Variants in SULF1 observed in about 807,000 individuals in gnomAD.
SULF1 encodes the protein extracellular sulfatase Sulf-1.
Under a neutral mutation model 110.5 loss-of-function variants are expected in SULF1, and 46 were observed. That is an observed-to-expected ratio of 0.42 (90% CI 0.33 to 0.53). The LOEUF (loss-of-function observed/expected upper bound fraction) is 0.53. Among genes scored for constraint, SULF1 ranks in the 20% least tolerant of loss-of-function variants. The pLI is 0.12. For missense variants in SULF1, 941 were observed against 1,094.2 expected (o/e 0.86, Z 1.98); for synonymous variants, 371 against 387.1 (o/e 0.96, Z 0.49).
chr8:69,567,808 A>G (rs1201753195), intron 5 of SULF1, among the ~76,000 whole-genome samples: 1 of 152,186 alleles, frequency 6.6e-6, no homozygotes, highest in Admixed American at 6.5e-5. Flanking sequence ...GGGTGTACAA[A>G]GAGCTCTTCG....
intron 5 of SULF1, among the ~76,000 whole-genome samples, chr8:69,565,667 G>A (rs1815825592): frequency 6.6e-6 from 1 of 152,098 alleles, no homozygotes; most frequent in South Asian, 2.1e-4. Flanking sequence ...AATTGCCAGA[G>A]TTATCTTTCA....
At chr8:69,542,046 T>C (rs1387572850) in intron 3 of SULF1, among the ~76,000 whole-genome samples, 1 of 152,076 alleles carries the variant, frequency 6.6e-6, no homozygotes, top group Non-Finnish European at 1.5e-5. Flanking sequence ...GAATTATACA[T>C]TTTCTTTACA....
At chr8:69,483,605 G>A (rs867992109) in intron 1 of SULF1, among the ~76,000 whole-genome samples, 3 of 152,044 alleles carry the variant, frequency 2.0e-5, no homozygotes, top group Non-Finnish European at 4.4e-5. Context: ...TCTAGGGCTC[G>A]TATTATATTT....
intron 1 of SULF1, among the ~76,000 whole-genome samples, chr8:69,468,738 G>A (rs1358119382): frequency 2.0e-5 from 3 of 152,228 alleles, no homozygotes; most frequent in African/African-American, 4.8e-5. Context: ...CATATAGCAT[G>A]CATGGTGCTA....
At chr8:69,592,028 C>T (rs912581805) in intron 8 of SULF1, among the ~76,000 whole-genome samples, 10 of 152,130 alleles carry the variant, frequency 6.6e-5, no homozygotes, top group Non-Finnish European at 1.2e-4. Context: ...ACAGAGCAGA[C>T]GTTCGCAGGG....
intron 1 of SULF1, among the ~76,000 whole-genome samples, chr8:69,482,875 A>G (rs1333850216): frequency 6.6e-6 from 1 of 152,198 alleles, no homozygotes; most frequent in Admixed American, 6.5e-5. Context: ...TTTCCACTTA[A>G]ATTATAGTCA....
At chr8:69,546,516 A>G (rs1814269061) in intron 3 of SULF1, among the ~76,000 whole-genome samples, 1 of 152,218 alleles carries the variant, frequency 6.6e-6, no homozygotes, top group African/African-American at 2.4e-5. Flanking sequence ...CCCATAAAGC[A>G]GTCCTTTTCT....
Position 69,547,456 on chromosome 8 carries a change from G to C in SULF1, c.-133-16083G>C, listed in dbSNP as rs575132718. Among the ~76,000 whole-genome samples the C allele has an allele frequency of 3.3e-5, 5 of 152,332 alleles. No homozygotes were observed. In the South Asian group the frequency reaches 1.0e-3, roughly 32 times the overall value. On this transcript the variant is annotated intron_variant, in intron 3 of 22. Coordinates refer to ENST00000402687, the MANE Select transcript of SULF1 (RefSeq NM_001128205.2). Reference sequence around the variant, plus strand: ...TCAGAAGATAACTAAATATGTGTTAGAGGAAAATGCTAGTTAGGAAATAGT... The same window carrying C: ...TCAGAAGATAACTAAATATGTGTTACAGGAAAATGCTAGTTAGGAAATAGT...
intron 14 of SULF1, among the ~76,000 whole-genome samples, chr8:69,623,051 T>G (rs1243591209): frequency 6.6e-6 from 1 of 152,194 alleles, no homozygotes; most frequent in Non-Finnish European, 1.5e-5. Flanking sequence ...ATCTAGTGTT[T>G]GTGCATTAAA....
At chr8:69,626,787 G>A (rs549357933) in intron 15 of SULF1, among the ~76,000 whole-genome samples, 4 of 152,336 alleles carry the variant, frequency 2.6e-5, no homozygotes, top group African/African-American at 4.8e-5. Context: ...CCAAGCCCAC[G>A]CCCATCCGGA....
At chr8:69,589,891 C>T (rs1298123937) in intron 8 of SULF1, among the ~76,000 whole-genome samples, 1 of 152,200 alleles carries the variant, frequency 6.6e-6, no homozygotes, top group Non-Finnish European at 1.5e-5. Context: ...CATCAATATC[C>T]AGTCTTCCAC....
At chr8:69,555,030 C>T (rs1461247362) in intron 3 of SULF1, among the ~76,000 whole-genome samples, 1 of 143,718 alleles carries the variant, frequency 7.0e-6, no homozygotes, top group African/African-American at 2.6e-5. Flanking sequence ...ATAAACTGAT[C>T]TGCATTTTAA....
intron 13 of SULF1, among the ~76,000 whole-genome samples, chr8:69,616,242 C>A (rs144256608): frequency 6.9e-6 from 1 of 145,542 alleles, no homozygotes; most frequent in East Asian, 2.0e-4. Context: ...TTTTTTGAGA[C>A]GGAGTCTTGC....
At chr8:69,647,340 T>C (rs1167211581) in intron 22 of SULF1, among the ~76,000 whole-genome samples, 2 of 152,174 alleles carry the variant, frequency 1.3e-5, no homozygotes, top group Admixed American at 6.5e-5. Flanking sequence ...GGAAAAGTTA[T>C]GTGCATTTAC....
At chr8:69,535,192 C>T (rs958434656) in intron 3 of SULF1, among the ~76,000 whole-genome samples, 2 of 152,188 alleles carry the variant, frequency 1.3e-5, no homozygotes, top group South Asian at 2.1e-4. Context: ...GTGGAGAGCT[C>T]CATATTTAGG....
intron 2 of SULF1, among the ~76,000 whole-genome samples, chr8:69,499,506 C>T (rs1263283520): frequency 1.3e-5 from 2 of 152,154 alleles, no homozygotes; most frequent in African/African-American, 2.4e-5. Flanking sequence ...CAAGATGGCA[C>T]CTATAGAGAA....
chr8:69,658,414 T>C (rs1357718388), intron 22 of SULF1, 91 bp from the exon 23 acceptor site: 9 of 922,918 alleles, frequency 9.8e-6, no homozygotes, highest in Non-Finnish European at 1.2e-5. Context: ...TTCTCATTGA[T>C]TAACTCTGTA....
chr8:69,530,067 T>A (rs1812977655), intron 3 of SULF1, among the ~76,000 whole-genome samples: 1 of 152,148 alleles, frequency 6.6e-6, no homozygotes, highest in Non-Finnish European at 1.5e-5. Context: ...AACAGAGAGA[T>A]GAAATAAATG....
chr8:69,568,489 G>A (rs1457515893), intron 5 of SULF1, among the ~76,000 whole-genome samples: 3 of 152,138 alleles, frequency 2.0e-5, no homozygotes, highest in Non-Finnish European at 4.4e-5. Flanking sequence ...CTTGCATATG[G>A]ATAACACTTT....
Sources: allele counts gnomAD v4.1 joint callset (sites outside exome capture counted in the v4.1 genomes callset), GRCh38; gene constraint gnomAD v4.1.1; transcripts MANE v1.5; gene names NCBI Gene and HGNC (gene_info 2026-07-23, HGNC 2026-07-21).